Variants in TRAPPC9 observed in about 807,000 individuals in gnomAD.
TRAPPC9 encodes IKK2 binding protein.
In TRAPPC9, 83 loss-of-function variants were observed where a neutral mutation model predicts 124.0. The ratio of observed to expected loss-of-function variants is 0.67; its 90% CI spans 0.56 to 0.80. TRAPPC9 has a LOEUF of 0.80. Among genes scored for constraint, TRAPPC9 ranks in the 30% least tolerant of loss-of-function variants. The pLI, the probability that TRAPPC9 is intolerant of heterozygous loss-of-function variation, is 0.00. For missense variants in TRAPPC9, 1,302 were observed against 1,508.3 expected (o/e 0.86, Z 2.27); for synonymous variants, 638 against 617.5 (o/e 1.03, Z -0.49).
At chr8:139,978,961 G>A (rs566682427) in intron 19 of TRAPPC9, among the ~76,000 whole-genome samples, 2 of 152,234 alleles carry the variant, frequency 1.3e-5, no homozygotes, top group South Asian at 4.2e-4. Flanking sequence ...AGACATCTGG[G>A]TGGGCTTCAC....
At chr8:139,830,552 A>G (rs1825921329) in intron 21 of TRAPPC9, among the ~76,000 whole-genome samples, 1 of 151,914 alleles carries the variant, frequency 6.6e-6, no homozygotes, top group Admixed American at 6.6e-5. Flanking sequence ...ACAAACGAGC[A>G]AGCACATGCA....
intron 19 of TRAPPC9, among the ~76,000 whole-genome samples, chr8:139,930,718 G>A (rs1002437115): frequency 2.0e-5 from 3 of 152,138 alleles, no homozygotes; most frequent in Admixed American, 1.3e-4. Context: ...CCTAGTAACC[G>A]GCCTTCCAGA....
chr8:140,423,735 T>C (rs1298584783), intron 5 of TRAPPC9, among the ~76,000 whole-genome samples: 2 of 151,304 alleles, frequency 1.3e-5, no homozygotes, highest in Admixed American at 6.6e-5. Context: ...CATATATACA[T>C]ATACACACAT....
chr8:139,979,965 C>A (rs947144364), intron 19 of TRAPPC9, among the ~76,000 whole-genome samples: 1 of 152,166 alleles, frequency 6.6e-6, no homozygotes, highest in African/African-American at 2.4e-5. Context: ...GGGAGGCCTT[C>A]GGACCACAGA....
At chr8:140,420,875 C>G (rs1247247831) in intron 5 of TRAPPC9, among the ~76,000 whole-genome samples, 1 of 151,968 alleles carries the variant, frequency 6.6e-6, no homozygotes, top group African/African-American at 2.4e-5. Context: ...CCAATGAAAA[C>G]CCAACAAACA....
rs924151841 is a variant in TRAPPC9 at position 139,788,378 on chromosome 8, C to T, written c.3056-56176G>A. Among the ~76,000 whole-genome samples, 1 of 152,212 alleles carries T rather than the reference C, an allele frequency of 6.6e-6. No individual in the cohort carries two copies. The highest frequency in any genetic ancestry group is 1.5e-5 in the Non-Finnish European group (1 of 68,040). ...AGTGGGAACAGGTTTCTAAAAATAG[C>T]CTGGCCTGTCAAAACTGTTAACTAT... is the stretch of plus-strand genomic sequence containing the variant. On this transcript the variant is annotated intron_variant, in intron 21 of 22. Transcript: ENST00000438773. This position sits in a 1 kb window ranked among gnomAD's most constrained non-coding sequence, Gnocchi z 4.9.
chr8:140,189,869 C>G (rs2062444979), intron 17 of TRAPPC9, among the ~76,000 whole-genome samples: 1 of 152,210 alleles, frequency 6.6e-6, no homozygotes, highest in Admixed American at 6.5e-5. Flanking sequence ...TGCACACAAA[C>G]TAAACTCCTC....
intron 19 of TRAPPC9, among the ~76,000 whole-genome samples, chr8:139,968,559 T>A (rs1238113489): frequency 6.6e-6 from 1 of 152,148 alleles, no homozygotes; most frequent in African/African-American, 2.4e-5. Flanking sequence ...AGTCACCCGC[T>A]CCTTAAGGGA....
At chr8:139,892,903 G>C (rs1477298143) in intron 20 of TRAPPC9, among the ~76,000 whole-genome samples, 2 of 152,200 alleles carry the variant, frequency 1.3e-5, no homozygotes, top group African/African-American at 4.8e-5. Flanking sequence ...TCGTCTATCA[G>C]CCAGGGGGAG....
In TRAPPC9 at chr8:140,017,692, T is replaced by G. The variant is rs149949968; in HGVS notation, c.2699+6245A>C. Reference sequence around the variant, plus strand: ...CTTTGTTCTTTTTTGTCAAGTTATTTGTCTATTCTAGGTCTGTTCAATTTC... The same window carrying G: ...CTTTGTTCTTTTTTGTCAAGTTATTGGTCTATTCTAGGTCTGTTCAATTTC... On this transcript the variant is annotated intron_variant, in intron 18 of 22. Transcript: ENST00000438773. Among the ~76,000 whole-genome samples the G allele has an allele frequency of 3.8e-3, 573 of 152,328 alleles. 6 individuals carry two copies. The highest frequency in any genetic ancestry group is 0.013 in the African/African-American group (541 of 41,576).
At chr8:139,777,697 C>T (rs1364270061) in intron 21 of TRAPPC9, among the ~76,000 whole-genome samples, 1 of 152,236 alleles carries the variant, frequency 6.6e-6, no homozygotes, top group Non-Finnish European at 1.5e-5. Flanking sequence ...TAGATTTACC[C>T]TCCGCCTGGA....
At chr8:139,977,829 T>C (rs1001046529) in intron 19 of TRAPPC9, among the ~76,000 whole-genome samples, 1 of 150,416 alleles carries the variant, frequency 6.6e-6, no homozygotes, top group Non-Finnish European at 1.5e-5. Flanking sequence ...TACAGGTGTG[T>C]GCCACCACGC....
At chr8:139,923,646 T>C (rs988535315) in intron 19 of TRAPPC9, among the ~76,000 whole-genome samples, 1 of 152,206 alleles carries the variant, frequency 6.6e-6, no homozygotes, top group Non-Finnish European at 1.5e-5. Flanking sequence ...GCACTGCACA[T>C]GTGCAGAGTC....
chr8:140,422,266 T>C (rs1257943315), intron 5 of TRAPPC9, among the ~76,000 whole-genome samples: 1 of 150,518 alleles, frequency 6.6e-6, no homozygotes, highest in Non-Finnish European at 1.5e-5. Context: ...GTAAAGTTTA[T>C]ATAGAGCACC....
chr8:140,000,074 A>C (rs573780760), intron 18 of TRAPPC9, among the ~76,000 whole-genome samples: 1 of 152,260 alleles, frequency 6.6e-6, no homozygotes, highest in East Asian at 1.9e-4. Context: ...CAGAAATAAC[A>C]CCAGACATCT....
intron 16 of TRAPPC9, among the ~76,000 whole-genome samples, chr8:140,246,234 A>G (rs1588005048): frequency 6.6e-6 from 1 of 152,182 alleles, no homozygotes; most frequent in Admixed American, 6.5e-5. Flanking sequence ...AATGCTCTCT[A>G]ATCACTCCTT....
At chr8:140,175,667 G>T (rs1256066028) in intron 17 of TRAPPC9, among the ~76,000 whole-genome samples, 1 of 152,144 alleles carries the variant, frequency 6.6e-6, no homozygotes, top group African/African-American at 2.4e-5. Flanking sequence ...ACATCCACGG[G>T]TTTAATCCTG....
intron 17 of TRAPPC9, among the ~76,000 whole-genome samples, chr8:140,119,427 CA>C (rs1383855194): frequency 1.7e-4 from 26 of 152,332 alleles, no homozygotes; most frequent in Admixed American, 1.2e-3. Flanking sequence ...CACCACTGAC[CA>C]GGGGCATCCT....
intron 17 of TRAPPC9, among the ~76,000 whole-genome samples, chr8:140,143,123 C>T (rs1051992990): frequency 6.6e-5 from 10 of 152,222 alleles, no homozygotes; most frequent in Non-Finnish European, 1.2e-4. Flanking sequence ...AGAATAAAGG[C>T]AGCTGAGACA....
Sources: gnomAD v4.1 joint callset for allele counts (sites outside exome capture counted in the v4.1 genomes callset) on GRCh38, gnomAD v4.1.1 for gene constraint, Gnocchi (gnomAD v3.1) non-coding constraint, MANE v1.5 for transcripts, NCBI Gene and HGNC (gene_info 2026-07-23, HGNC 2026-07-21) for gene names.